Variants in TEAD1 observed in about 807,000 individuals in gnomAD.
The protein encoded by TEAD1 is TEA domain transcription factor 1, also known as transcriptional enhancer factor TEF-1.
TEAD1 carries 9 observed loss-of-function variants against 54.9 expected under a neutral mutation model. That is an observed-to-expected ratio of 0.16 (90% confidence interval 0.10 to 0.29). The LOEUF is 0.29. Among genes scored for constraint, TEAD1 ranks in the 10% least tolerant of loss-of-function variants. The pLI, the probability that TEAD1 is intolerant of heterozygous loss-of-function variation, is 1.00. For missense variants in TEAD1, 387 were observed against 535.9 expected (o/e 0.72, Z 2.74); for synonymous variants, 200 against 187.8 (o/e 1.07, Z -0.53).
In TEAD1 at chr11:12,726,537, A is replaced by G. The variant is rs144599774; in HGVS notation, c.-54-37642A>G. Among the ~76,000 whole-genome samples, 6 of 137,530 alleles carry G rather than the reference A, an allele frequency of 4.4e-5. No individual in the cohort carries two copies. In the East Asian group the frequency reaches 1.2e-3, roughly 28 times the overall value. The allele number at this position is 137,530 out of a possible 152,430, so 90.2% of individuals were successfully genotyped here. ...AGTAAACAATGACCACTGAATTTCA[A>G]AGACTTAGTATGGGGGGAAAAAAAG... On this transcript the variant is annotated intron_variant, in intron 2 of 12. Coordinates refer to ENST00000527636, the MANE Select transcript of TEAD1 (RefSeq NM_021961.6).
At chr11:12,853,944 T>G (rs1283805642) in intron 3 of TEAD1, among the ~76,000 whole-genome samples, 1 of 152,118 alleles carries the variant, frequency 6.6e-6, no homozygotes, top group Non-Finnish European at 1.5e-5. Flanking sequence ...TGAAAGCTGT[T>G]TTTTTTAATA....
intron 3 of TEAD1, among the ~76,000 whole-genome samples, chr11:12,812,020 A>G (rs573079028): frequency 1.3e-5 from 2 of 152,206 alleles, no homozygotes; most frequent in African/African-American, 4.8e-5. Flanking sequence ...CCTGAAAGCC[A>G]CTATTTAGTT....
At position 12,728,107 on chromosome 11, in the gene TEAD1, C is replaced by G. The variant is rs1445356778; in HGVS notation, c.-54-36072C>G. On this transcript the variant is annotated intron_variant, in intron 2 of 12. Transcript: ENST00000527636. ...TGAGACAGAATGCAGTGTGACCAAG[C>G]CGTAGTAGAGGTGAGCCTGAGGACT... Among the ~76,000 whole-genome samples, 3 of 152,186 alleles carry G rather than the reference C, an allele frequency of 2.0e-5. No individual in the cohort carries two copies. In the East Asian group the frequency reaches 5.8e-4, roughly 29 times the overall value.
chr11:12,831,058 G>A (rs984017816), intron 3 of TEAD1, among the ~76,000 whole-genome samples: 1 of 152,142 alleles, frequency 6.6e-6, no homozygotes, highest in Non-Finnish European at 1.5e-5. Flanking sequence ...AGTTCCAGCC[G>A]TTCAGTTCCA....
intron 2 of TEAD1, among the ~76,000 whole-genome samples, chr11:12,721,459 C>G (rs1944197630): frequency 6.6e-6 from 1 of 152,188 alleles, no homozygotes; most frequent in Admixed American, 6.5e-5. Context: ...ACCCCTATCC[C>G]CAGCATCCTG....
chr11:12,714,613 A>G (rs1944015121), intron 2 of TEAD1, among the ~76,000 whole-genome samples: 1 of 152,194 alleles, frequency 6.6e-6, no homozygotes, highest in African/African-American at 2.4e-5. Flanking sequence ...TCATTTATTT[A>G]GTCATTCATT....
chr11:12,864,819 C>A lies in TEAD1; in HGVS notation c.268-19C>A. ...TTACAGGCTTTTCCTTTGTTTTCCT[C>A]CCTTCCCCTACCCTGCAGGTGTCTA... is the stretch of plus-strand genomic sequence containing the variant. On this transcript the variant is annotated intron_variant, in intron 4 of 12. Coordinates refer to ENST00000527636, the MANE Select transcript of TEAD1 (RefSeq NM_021961.6). The A allele has an allele frequency of 6.2e-7, 1 of 1,614,014 alleles. No homozygotes were observed. Among genetic ancestry groups the A allele is most frequent in the Non-Finnish European group, 8.5e-7 (1 of 1,179,936 alleles).
chr11:12,765,838 C>T (rs1945196869), intron 3 of TEAD1, among the ~76,000 whole-genome samples: 1 of 152,168 alleles, frequency 6.6e-6, no homozygotes, highest in Non-Finnish European at 1.5e-5. Context: ...AATATCTCAG[C>T]TACTATGGGA....
intron 2 of TEAD1, among the ~76,000 whole-genome samples, chr11:12,704,053 C>A (rs902115057): frequency 5.9e-5 from 9 of 152,162 alleles, no homozygotes; most frequent in Non-Finnish European, 1.2e-4. Context: ...AACTAGACTC[C>A]TACCAAGTCA....
At chr11:12,692,911 A>G (rs943261579) in intron 2 of TEAD1, among the ~76,000 whole-genome samples, 1 of 151,512 alleles carries the variant, frequency 6.6e-6, no homozygotes, top group South Asian at 2.1e-4. Context: ...CCCCCACCCC[A>G]CAGAACAGCC....
At chr11:12,746,261 T>C (rs937471652) in intron 2 of TEAD1, among the ~76,000 whole-genome samples, 1 of 152,204 alleles carries the variant, frequency 6.6e-6, no homozygotes, top group Admixed American at 6.5e-5. Flanking sequence ...TTATTAGCCT[T>C]TTCCCTCCCC....
intron 2 of TEAD1, among the ~76,000 whole-genome samples, chr11:12,730,005 C>T (rs902979748): frequency 6.6e-6 from 1 of 152,172 alleles, no homozygotes; most frequent in African/African-American, 2.4e-5. Context: ...CTTTGTATTA[C>T]CTAAGGTAAC....
chr11:12,731,621 C>T (rs1944428003), intron 2 of TEAD1, among the ~76,000 whole-genome samples: 1 of 152,000 alleles, frequency 6.6e-6, no homozygotes, highest in Non-Finnish European at 1.5e-5. Context: ...TTTGTCAGTT[C>T]CTTCTCATTT....
chr11:12,735,625 T>C (rs1022305959), intron 2 of TEAD1, among the ~76,000 whole-genome samples: 8 of 151,582 alleles, frequency 5.3e-5, no homozygotes, highest in African/African-American at 1.9e-4. Context: ...TCCGGGGTTA[T>C]AGCTGTGACC....
intron 3 of TEAD1, among the ~76,000 whole-genome samples, chr11:12,815,491 C>T (rs1946396109): frequency 6.6e-6 from 1 of 152,126 alleles, no homozygotes; most frequent in African/African-American, 2.4e-5. Flanking sequence ...GTAATGGACC[C>T]AAGCTGCAAA....
intron 3 of TEAD1, among the ~76,000 whole-genome samples, chr11:12,835,973 C>T (rs1005203833): frequency 4.6e-5 from 7 of 152,054 alleles, no homozygotes; most frequent in Non-Finnish European, 8.8e-5. Flanking sequence ...TGCCAAAAGA[C>T]TAGGTTTTAA....
At chr11:12,786,312 T>C (rs1945675938) in intron 3 of TEAD1, among the ~76,000 whole-genome samples, 1 of 152,154 alleles carries the variant, frequency 6.6e-6, no homozygotes, top group African/African-American at 2.4e-5. Context: ...CAGACCACCA[T>C]GGATCCTCAA....
chr11:12,883,186 T>TC (rs1373392380), intron 9 of TEAD1, 61 bp downstream of exon 9: 8 of 1,610,450 alleles, frequency 5.0e-6, no homozygotes, highest in Admixed American at 1.7e-5. Flanking sequence ...ACTGTTTACC[T>TC]CCTTGCTTCT....
At chr11:12,791,743 A>G (rs937890857) in intron 3 of TEAD1, among the ~76,000 whole-genome samples, 2 of 152,182 alleles carry the variant, frequency 1.3e-5, no homozygotes, top group South Asian at 4.1e-4. Context: ...AGCTGTTCCT[A>G]TAAGTAAGTG....
Sources: gnomAD v4.1 joint callset for allele counts (sites outside exome capture counted in the v4.1 genomes callset) on GRCh38, gnomAD v4.1.1 for gene constraint, MANE v1.5 for transcripts, NCBI Gene and HGNC (gene_info 2026-07-23, HGNC 2026-07-21) for gene names.